FTH1: variants seen among roughly 807,000 people sequenced by gnomAD.
FTH1 encodes the protein ferritin heavy chain 1.
A neutral mutation model predicts 21.8 loss-of-function variants in FTH1; 3 were observed. The ratio of observed to expected loss-of-function variants is 0.14; its 90% CI spans 0.06 to 0.36. The LOEUF (loss-of-function observed/expected upper bound fraction) is 0.36. Among genes scored for constraint, FTH1 ranks in the 10% least tolerant of loss-of-function variants. The pLI is 1.00. For missense variants in FTH1, 147 were observed against 225.8 expected (o/e 0.65, Z 2.24); for synonymous variants, 83 against 90.1 (o/e 0.92, Z 0.45).
At chr11:61,967,239 C>T in intron 1 of FTH1, 73 bp downstream of exon 1, 3 of 946,382 alleles carry the variant, frequency 3.2e-6, no homozygotes, top group Non-Finnish European at 4.6e-6. Context: ...TGGCCACACC[C>T]CCGGCCCGCC....
intron 1 of FTH1, 196 bp downstream of exon 1, chr11:61,967,116 G>T: frequency 2.4e-6 from 1 of 414,272 alleles, no homozygotes; most frequent in Non-Finnish European, 4.2e-6. Context: ...GCATTCTCAG[G>T]GTACAGCCGA....
chr11:61,965,209 T>C, intron 2 of FTH1, 97 bp from the exon 3 acceptor site: 11 of 1,591,420 alleles, frequency 6.9e-6, no homozygotes, highest in Non-Finnish European at 9.4e-6. Context: ...GGGACATTAC[T>C]ATTTGCCTAA....
Position 61,964,878 on chromosome 11 carries a change from A to G in FTH1, c.401T>C (p.Ile134Thr). ...CTGCTCATTCAGGTAATGTGTCTCA[A>G]TGAAGTCACACAACTGCAAAACAAT... Reference protein sequence around the residue: ...DKNDPHLCDFIETHYLNEQVK... With the variant: ...DKNDPHLCDFTETHYLNEQVK... Residue 134 changes from isoleucine to threonine, a missense_variant, in exon 4 of 4, where the codon ATT becomes ACT. By Grantham distance (89) the Ile-to-Thr change is moderately conservative. Transcript: ENST00000273550. The G allele has an allele frequency of 6.2e-7, 1 of 1,607,236 alleles. No individual in the cohort carries two copies. The highest frequency in any genetic ancestry group is 8.5e-7 in the Non-Finnish European group (1 of 1,179,998).
chr11:61,966,630 A>G (rs2134489101), intron 1 of FTH1, among the ~76,000 whole-genome samples: 1 of 152,344 alleles, frequency 6.6e-6, no homozygotes, highest in South Asian at 2.1e-4. Context: ...TGGGGGTTCA[A>G]TTAGTAGGCC....
At position 61,965,457 on chromosome 11, in the gene FTH1, T is replaced by C. The variant is rs1942431739; in HGVS notation, c.173A>G (p.His58Arg). 2 of 1,610,760 alleles carry C rather than the reference T, an allele frequency of 1.2e-6. No homozygotes were observed. The highest frequency in any genetic ancestry group is 1.7e-6 in the Non-Finnish European group (2 of 1,180,006). ...ATGTTCCCTCTCCTCATGAGATTGG[T>C]GAAGAAAGTATTTGGCAAAGTTCTT... ...ALKNFAKYFL[H>R]QSHEEREHAE... The change falls in exon 2 of 4, where the codon CAC becomes CGC. Residue 58 changes from histidine (H) to arginine (R), a missense_variant. By Grantham distance (29) the His-to-Arg change is conservative (BLOSUM62 0). Coordinates refer to ENST00000273550, the MANE Select transcript of FTH1 (RefSeq NM_002032.3).
In FTH1 at chr11:61,965,499, C is replaced by A. The variant is rs754091676; in HGVS notation, c.131G>T (p.Arg44Leu). 1 of 1,602,302 alleles carries A rather than the reference C, an allele frequency of 6.2e-7. No individual in the cohort carries two copies. Among genetic ancestry groups the A allele is most frequent in the Non-Finnish European group, 8.5e-7 (1 of 1,179,958 alleles). The change falls in exon 2 of 4, where the codon CGC becomes CTC. Residue 44 changes from arginine to leucine, a missense_variant. Coordinates refer to ENST00000273550, the MANE Select transcript of FTH1 (RefSeq NM_002032.3). ...AAAGTTCTTCAAAGCCACATCATCGCGGTCAAAGTAGTAAGACTGAAAGGG... is the reference window on the plus strand; with the variant it reads ...AAAGTTCTTCAAAGCCACATCATCGAGGTCAAAGTAGTAAGACTGAAAGGG... ...VYLSMSYYFDRDDVALKNFAK... is the reference protein window; with the variant it reads ...VYLSMSYYFDLDDVALKNFAK...
At chr11:61,966,248 T>C (rs1330543584) in intron 1 of FTH1, among the ~76,000 whole-genome samples, 1 of 152,192 alleles carries the variant, frequency 6.6e-6, no homozygotes, top group East Asian at 1.9e-4. Flanking sequence ...CACTCCAGCC[T>C]GGGCGACAGA....
Position 61,965,078 on chromosome 11 carries a change from T to C in FTH1, c.296A>G (p.Asn99Ser). 1 of 1,608,140 alleles carries C rather than the reference T, an allele frequency of 6.2e-7. No individual in the cohort carries two copies. Among genetic ancestry groups the C allele is most frequent in the Non-Finnish European group, 8.5e-7 (1 of 1,179,992 alleles). Reference protein sequence around the residue: ...PDCDDWESGLNAMECALHLEK... With the variant: ...PDCDDWESGLSAMECALHLEK... ...CAAATGTAATGCACACTCCATTGCA[T>C]TCAGCCCGCTCTCCCAGTCATCACA... The change falls in exon 3 of 4, where the codon AAT (asparagine) becomes AGT (serine). Residue 99 changes from asparagine (N) to serine (S), a missense_variant. Physicochemically the swap from Asn to Ser is conservative, Grantham distance 46 (BLOSUM62 1). Coordinates refer to ENST00000273550, the MANE Select transcript of FTH1 (RefSeq NM_002032.3).
chr11:61,964,904 G>A lies in FTH1; in HGVS notation c.388-13C>T. ...TGAAGTCACACAACTGCAAAACAATGGGGAAGACAGTTAGTGGGCAGCTTT... is the reference window on the plus strand; with the variant it reads ...TGAAGTCACACAACTGCAAAACAATAGGGAAGACAGTTAGTGGGCAGCTTT... On this transcript the variant is annotated splice_polypyrimidine_tract_variant and intron_variant, in intron 3 of 3. Transcript: ENST00000273550. The A allele has an allele frequency of 6.2e-7, 1 of 1,611,858 alleles. No individual in the cohort carries two copies. Among genetic ancestry groups the A allele is most frequent in the African/African-American group, 1.3e-5 (1 of 75,036 alleles).
In FTH1 at chr11:61,967,317, A is replaced by T; in HGVS notation, c.109T>A (p.Ser37Thr). 10 of 1,595,784 alleles carry T rather than the reference A, an allele frequency of 6.3e-6. No homozygotes were observed. The highest frequency in any genetic ancestry group is 8.5e-6 in the Non-Finnish European group (10 of 1,169,988). The change falls in exon 1 of 4, where the codon TCC (serine) becomes ACC (threonine). Residue 37 changes from serine to threonine, a missense_variant. By Grantham distance (58) the Ser-to-Thr change is moderately conservative (BLOSUM62 1). Coordinates refer to ENST00000273550, the MANE Select transcript of FTH1 (RefSeq NM_002032.3). ...TTAGGCCCGCCCGCGCTCACCATGGACAGGTAAACGTAGGAGGCGTAGAGC... is the reference window on the plus strand; with the variant it reads ...TTAGGCCCGCCCGCGCTCACCATGGTCAGGTAAACGTAGGAGGCGTAGAGC... ...LELYASYVYLSMSYYFDRDDV... is the reference protein window; with the variant it reads ...LELYASYVYLTMSYYFDRDDV...
chr11:61,965,334 G>A, intron 2 of FTH1, 35 bp downstream of exon 2: 1 of 1,563,156 alleles, frequency 6.4e-7, no homozygotes, highest in Non-Finnish European at 8.7e-7. Flanking sequence ...ACTGCCAGAT[G>A]ATGAAGTATG....
Position 61,964,789 on chromosome 11 carries a change from A to G in FTH1, c.490T>C (p.Ser164Pro), listed in dbSNP as rs370449319. The G allele has an allele frequency of 1.9e-5, 31 of 1,599,842 alleles. No homozygotes were observed. Among genetic ancestry groups the G allele is most frequent in the Non-Finnish European group, 2.5e-5 (30 of 1,179,966 alleles). ...TNLRKMGAPE[S>P]GLAEYLFDKH... ...TCAAAGAGATATTCCGCCAAGCCAGATTCGGGCGCTCCCATCTTGCGCAAG... is the reference window on the plus strand; with the variant it reads ...TCAAAGAGATATTCCGCCAAGCCAGGTTCGGGCGCTCCCATCTTGCGCAAG... Residue 164 changes from serine (S) to proline (P), a missense_variant, in exon 4 of 4, where the codon TCT becomes CCT. Transcript: ENST00000273550.
intron 1 of FTH1, 171 bp from the exon 2 acceptor site, chr11:61,965,686 A>C: frequency 1.4e-6 from 1 of 712,214 alleles, no homozygotes; most frequent in Non-Finnish European, 2.5e-6. Context: ...ACTGGATTGA[A>C]CCCAAGAGTA....
At chr11:61,965,278 C>G (rs914725789) in intron 2 of FTH1, 91 bp downstream of exon 2, 1 of 1,599,918 alleles carries the variant, frequency 6.3e-7, no homozygotes, top group African/African-American at 1.3e-5. Context: ...TGTATCATCA[C>G]TTTATAAGGG....
intron 2 of FTH1, 78 bp downstream of exon 2, chr11:61,965,291 A>G: frequency 1.2e-6 from 2 of 1,601,218 alleles, no homozygotes; most frequent in Non-Finnish European, 1.7e-6. Flanking sequence ...TATAAGGGCA[A>G]TTGCTAGTTT....
At position 61,965,059 on chromosome 11, in the gene FTH1, T is replaced by C. The variant is rs1591320888; in HGVS notation, c.315A>G (p.Leu105=). Residue 105 remains leucine, a synonymous_variant, in exon 3 of 4, where the codon TTA becomes TTG. Coordinates refer to ENST00000273550, the MANE Select transcript of FTH1 (RefSeq NM_002032.3). The part of the protein sequence containing the change: ...ESGLNAMECA[L]HLEKNVNQSL... ...ACTGATTCACATTTTTTTCCAAATG[T>C]AATGCACACTCCATTGCATTCAGCC... The C allele has an allele frequency of 1.9e-6, 3 of 1,611,370 alleles. No homozygotes were observed. The highest frequency in any genetic ancestry group is 2.5e-6 in the Non-Finnish European group (3 of 1,179,968).
At chr11:61,965,147 T>TA (rs1942422476) in intron 2 of FTH1, 35 bp from the exon 3 acceptor site, 2 of 1,602,540 alleles carry the variant, frequency 1.2e-6, no homozygotes, top group Non-Finnish European at 1.7e-6. Flanking sequence ...CTCTACCAAC[T>TA]AACCTAGAAG....
chr11:61,964,728 T>C lies in FTH1; in HGVS notation c.551A>G (p.Ter184=), dbSNP rs745605499. 9 of 1,598,206 alleles carry C rather than the reference T, an allele frequency of 5.6e-6. No individual in the cohort carries two copies. Among genetic ancestry groups the C allele is most frequent in the Non-Finnish European group, 7.6e-6 (9 of 1,179,854 alleles). ...GCTATGGGGAAATTAGCCCGAGGCT[T>C]AGCTTTCATTATCACTGTCTCCCAG... The part of the protein sequence containing the change: ...HTLGDSDNES[*] Residue 184 remains the stop codon, a stop_retained_variant, in exon 4 of 4, where the codon TAA becomes TGA. Transcript: ENST00000273550.
In FTH1 at chr11:61,964,335, C is replaced by T; in HGVS notation, c.*392G>A. On this transcript the variant is annotated 3_prime_UTR_variant, in exon 4 of 4. Transcript: ENST00000273550. ...TAAAAACTGTGAAAGCTAGACTGAA[C>T]CATTGGAAACATTTAACTCAGACTC... The T allele has an allele frequency of 1.1e-6, 1 of 947,454 alleles. No individual in the cohort carries two copies. The highest frequency in any genetic ancestry group is 2.9e-5 in the Admixed American group (1 of 35,062). The allele number at this position is 947,454 out of a possible 1,614,324, so 58.7% of individuals were successfully genotyped here.
Sources: allele counts gnomAD v4.1 joint callset (sites outside exome capture counted in the v4.1 genomes callset), GRCh38; gene constraint gnomAD v4.1.1; transcripts MANE v1.5; gene names NCBI Gene and HGNC (gene_info 2026-07-23, HGNC 2026-07-21).